Variants in DGKB observed in about 807,000 individuals in gnomAD.
The protein encoded by DGKB is 90 kDa diacylglycerol kinase.
DGKB carries 67 observed loss-of-function variants against 114.3 expected under a neutral mutation model. The observed-to-expected ratio is 0.59, with a 90% CI of 0.48 to 0.72. The LOEUF (loss-of-function observed/expected upper bound fraction) is 0.72. Among genes scored for constraint, DGKB ranks in the 30% least tolerant of loss-of-function variants. The pLI, the probability that DGKB is intolerant of heterozygous loss-of-function variation, is 0.00. For missense variants in DGKB, 907 were observed against 975.2 expected (o/e 0.93, Z 0.93); for synonymous variants, 398 against 323.1 (o/e 1.23, Z -2.49).
rs951952463 is a variant in DGKB at position 14,894,953 on chromosome 7, T to C, written c.-188+7639A>G. 2.0e-5 allele frequency among the ~76,000 whole-genome samples: 3 copies of C among 151,618 alleles called. No individual in the cohort carries two copies. The Admixed American group carries it at 2.0e-4, about 10-fold the overall frequency. ...ATATATATCATGACAAACAACATTA[T>C]ATAACAATAGAGCACCCCTCCTAGT... is the stretch of plus-strand genomic sequence containing the variant. On this transcript the variant is annotated intron_variant, in intron 1 of 25. Coordinates refer to ENST00000402815, the MANE Select transcript of DGKB (RefSeq NM_001350709.2).
intron 2 of DGKB, among the ~76,000 whole-genome samples, chr7:14,762,336 C>T (rs1562470837): frequency 6.6e-6 from 1 of 152,076 alleles, no homozygotes; most frequent in Non-Finnish European, 1.5e-5. Context: ...CCCCAAAATG[C>T]ACACACCCTG....
At chr7:14,242,303 C>T (rs1238129567) in intron 23 of DGKB, among the ~76,000 whole-genome samples, 1 of 152,110 alleles carries the variant, frequency 6.6e-6, no homozygotes, top group Non-Finnish European at 1.5e-5. Flanking sequence ...AAAGGCCCTG[C>T]AGGGCAAAGA....
At chr7:14,576,021 A>G (rs1022550284) in intron 19 of DGKB, among the ~76,000 whole-genome samples, 1 of 152,194 alleles carries the variant, frequency 6.6e-6, no homozygotes, top group African/African-American at 2.4e-5. Context: ...CTTACCTTAC[A>G]CAGGTTTAAA....
At chr7:14,835,924 G>C (rs1054195740) in intron 2 of DGKB, among the ~76,000 whole-genome samples, 1 of 152,124 alleles carries the variant, frequency 6.6e-6, no homozygotes, top group Non-Finnish European at 1.5e-5. Context: ...GGCTTACTGC[G>C]AGGATTAAAT....
intron 23 of DGKB, among the ~76,000 whole-genome samples, chr7:14,266,326 T>C (rs1797511745): frequency 6.6e-6 from 1 of 152,206 alleles, no homozygotes; most frequent in Non-Finnish European, 1.5e-5. Context: ...TGCATTTCTA[T>C]TTTTTAAAAT....
intron 23 of DGKB, among the ~76,000 whole-genome samples, chr7:14,270,070 A>AG (rs910132891): frequency 5.3e-5 from 8 of 150,532 alleles, no homozygotes; most frequent in African/African-American, 2.0e-4. Flanking sequence ...AAAAAAAAAA[A>AG]AAAAAGAGAG....
chr7:14,772,020 A>C (rs1282369537), intron 2 of DGKB, among the ~76,000 whole-genome samples: 1 of 152,138 alleles, frequency 6.6e-6, no homozygotes, highest in East Asian at 1.9e-4. Flanking sequence ...TGTCAACCAG[A>C]AAATGTTTAA....
chr7:14,875,861 G>A (rs1348053684), intron 1 of DGKB, among the ~76,000 whole-genome samples: 1 of 152,032 alleles, frequency 6.6e-6, no homozygotes, highest in Non-Finnish European at 1.5e-5. Flanking sequence ...TGTCATTAGT[G>A]TTAGTTGTAT....
At chr7:14,827,232 C>G (rs1023453915) in intron 2 of DGKB, among the ~76,000 whole-genome samples, 20 of 152,180 alleles carry the variant, frequency 1.3e-4, no homozygotes, top group African/African-American at 4.6e-4. Context: ...CAGGGACTAC[C>G]TTTAAAACAT....
chr7:14,786,920 G>T (rs1371019548), intron 2 of DGKB, among the ~76,000 whole-genome samples: 1 of 152,196 alleles, frequency 6.6e-6, no homozygotes, highest in Non-Finnish European at 1.5e-5. Context: ...CTGTGGAGAA[G>T]AACTACCCAC....
rs569332670 is a variant in DGKB at position 14,499,416 on chromosome 7, G to A, written c.1771-21191C>T. The stretch of plus-strand genomic sequence containing the variant: ...GAATAATTCTTCAAAAGAAATATGG[G>A]TGAGTATTTGCTAGCATGATCCACA... On this transcript the variant is annotated intron_variant, in intron 20 of 25. Coordinates refer to ENST00000402815, the MANE Select transcript of DGKB (RefSeq NM_001350709.2). 7.4e-3 allele frequency among the ~76,000 whole-genome samples: 739 copies of A among 100,030 alleles called. 3 individuals carry two copies. Among genetic ancestry groups the A allele is most frequent in the Non-Finnish European group, 6.3e-3 (350 of 55,592 alleles). 65.6% of individuals were successfully genotyped at this position (100,030 alleles called of 152,430 possible). A position where few individuals can be genotyped will look rare whatever the true frequency, so the allele number is the denominator to read the frequency against.
chr7:14,184,307 G>A (rs1488428996), intron 23 of DGKB, among the ~76,000 whole-genome samples: 2 of 152,194 alleles, frequency 1.3e-5, no homozygotes, highest in Non-Finnish European at 2.9e-5. Context: ...GAACTCAGGA[G>A]AGGGCGCAAA....
chr7:14,277,324 C>T (rs930362553), intron 23 of DGKB, among the ~76,000 whole-genome samples: 3 of 150,320 alleles, frequency 2.0e-5, no homozygotes, highest in Non-Finnish European at 3.0e-5. Context: ...GTGCATGCCA[C>T]CATGCCCAGG....
chr7:14,525,207 C>T (rs1020036814), intron 20 of DGKB, among the ~76,000 whole-genome samples: 2 of 152,124 alleles, frequency 1.3e-5, no homozygotes, highest in African/African-American at 4.8e-5. Flanking sequence ...ACCATTTCTA[C>T]GATAAGTAAG....
rs567679324 is a variant in DGKB, at chr7:14,864,392, C to G, written c.-187-22942G>C. 2.0e-5 allele frequency among the ~76,000 whole-genome samples: 3 copies of G among 152,156 alleles called. No individual in the cohort carries two copies. The South Asian group carries it at 6.2e-4, about 32-fold the overall frequency. The stretch of plus-strand genomic sequence containing the variant: ...GGATCATATGAGCACTTGAAATGCA[C>G]CATCCTTCAATCAATATGTCTTTAT... On this transcript the variant is annotated intron_variant, in intron 1 of 25. Transcript: ENST00000402815.
At chr7:14,160,354 A>ATGAT (rs1389142888) in intron 25 of DGKB, among the ~76,000 whole-genome samples, 2 of 152,168 alleles carry the variant, frequency 1.3e-5, no homozygotes, top group African/African-American at 4.8e-5. Flanking sequence ...TGCAGATGAC[A>ATGAT]TGATTGTATA....
chr7:14,731,985 T>C (rs1422456178), intron 5 of DGKB, among the ~76,000 whole-genome samples: 1 of 152,124 alleles, frequency 6.6e-6, no homozygotes, highest in Non-Finnish European at 1.5e-5. Flanking sequence ...CAACAAATTA[T>C]ATTACAAAAA....
intron 1 of DGKB, among the ~76,000 whole-genome samples, chr7:14,937,157 T>C (rs572033197): frequency 3.9e-5 from 6 of 152,250 alleles, no homozygotes; most frequent in Admixed American, 3.9e-4. Flanking sequence ...TTTTACAATG[T>C]ATATACTATC....
At chr7:14,802,580 A>G (rs1741363084) in intron 2 of DGKB, among the ~76,000 whole-genome samples, 1 of 152,212 alleles carries the variant, frequency 6.6e-6, no homozygotes. Flanking sequence ...TTGAAGTCTT[A>G]CCAAATTATG....
Sources: gnomAD v4.1 joint callset for allele counts (sites outside exome capture counted in the v4.1 genomes callset) on GRCh38, gnomAD v4.1.1 for gene constraint, MANE v1.5 for transcripts, NCBI Gene and HGNC (gene_info 2026-07-23, HGNC 2026-07-21) for gene names.